FHIT: variants seen among roughly 807,000 people sequenced by gnomAD.
FHIT encodes the protein bis(5'-adenosyl)-triphosphatase.
In FHIT, 19 loss-of-function variants were observed where a neutral mutation model predicts 17.9. The observed-to-expected ratio is 1.06, with a 90% CI of 0.74 to 1.56. FHIT has a LOEUF of 1.56. FHIT is among the 40% of genes most tolerant of loss of function. The pLI is 0.00. For synonymous variants in FHIT, 81 were observed against 69.7 expected (o/e 1.16, Z -0.81); for missense variants, 248 against 189.2 (o/e 1.31, Z -1.82).
intron 3 of FHIT, among the ~76,000 whole-genome samples, chr3:60,894,620 T>C (rs1216176594): frequency 6.6e-6 from 1 of 152,052 alleles, no homozygotes; most frequent in Non-Finnish European, 1.5e-5. Context: ...CTCCTTGATA[T>C]TCAAAGCTCT....
chr3:60,853,471 T>A (rs1247041141), intron 3 of FHIT, among the ~76,000 whole-genome samples: 1 of 152,094 alleles, frequency 6.6e-6, no homozygotes, highest in Non-Finnish European at 1.5e-5. Context: ...TCCTAGCAGA[T>A]GACCTTCACG....
At position 60,672,946 on chromosome 3, in the gene FHIT, T is replaced by C. The variant is rs2040544177; in HGVS notation, c.-17-135967A>G. Among the ~76,000 whole-genome samples, 7 of 144,338 alleles carry C rather than the reference T, an allele frequency of 4.8e-5. No individual in the cohort carries two copies. The Admixed American group carries it at 4.9e-4, about 10-fold the overall frequency. 94.7% of individuals were successfully genotyped at this position (144,338 alleles called of 152,430 possible). On this transcript the variant is annotated intron_variant, in intron 4 of 9. Transcript: ENST00000492590. ...GGACTAACAATATGCATCCTTATCT[T>C]ATCAAAATCTACCTAAAATTAATAT...
intron 2 of FHIT, among the ~76,000 whole-genome samples, chr3:61,197,675 GT>G (rs999139878): frequency 7.9e-5 from 12 of 152,154 alleles, no homozygotes; most frequent in Non-Finnish European, 1.5e-4. Flanking sequence ...TAAGAACAGT[GT>G]TCAAATGAGA....
intron 2 of FHIT, among the ~76,000 whole-genome samples, chr3:61,142,583 G>T (rs1486332031): frequency 6.6e-6 from 1 of 152,024 alleles, no homozygotes; most frequent in Non-Finnish European, 1.5e-5. Context: ...GCTACCTCAT[G>T]GCATAACAAT....
intron 5 of FHIT, among the ~76,000 whole-genome samples, chr3:60,352,831 A>G (rs1699474903): frequency 6.6e-6 from 1 of 152,100 alleles, no homozygotes. Context: ...ATTTCTTATC[A>G]GAGTCCTACT....
chr3:60,547,768 T>C (rs1047090850), intron 4 of FHIT, among the ~76,000 whole-genome samples: 2 of 152,066 alleles, frequency 1.3e-5, no homozygotes, highest in African/African-American at 4.8e-5. Context: ...TCTACTATCC[T>C]TTTGTGTGTG....
chr3:60,401,539 C>T (rs564515287), intron 5 of FHIT, among the ~76,000 whole-genome samples: 1 of 152,156 alleles, frequency 6.6e-6, no homozygotes, highest in Non-Finnish European at 1.5e-5. Flanking sequence ...AAGGTCAGCT[C>T]TTATGTGGCT....
chr3:60,073,097 G>A (rs981477098), intron 5 of FHIT, among the ~76,000 whole-genome samples: 8 of 152,282 alleles, frequency 5.3e-5, no homozygotes, highest in South Asian at 2.1e-4. Context: ...GCAGGTGTGA[G>A]TAATTAGAAA....
At chr3:59,874,189 C>T (rs572559662) in intron 8 of FHIT, among the ~76,000 whole-genome samples, 2 of 152,286 alleles carry the variant, frequency 1.3e-5, no homozygotes, top group African/African-American at 4.8e-5. Context: ...CATTCTAACC[C>T]CAAATGCCTC....
Position 60,290,074 on chromosome 3 carries a change from A to C in FHIT, c.103+246786T>G, listed in dbSNP as rs181161903. On this transcript the variant is annotated intron_variant, in intron 5 of 9. Coordinates refer to ENST00000492590, the MANE Select transcript of FHIT (RefSeq NM_002012.4). ...TTATCACAATACTGTTTCTGATGCT[A>C]TGCGTGGCTTTCCAAAGCCAACTTT... is the stretch of plus-strand genomic sequence containing the variant. Among the ~76,000 whole-genome samples, 3 of 152,326 alleles carry C rather than the reference A, an allele frequency of 2.0e-5. No homozygotes were observed. The East Asian group carries it at 5.8e-4, about 29-fold the overall frequency.
chr3:60,023,428 G>C (rs1700623256), intron 5 of FHIT, among the ~76,000 whole-genome samples: 1 of 152,170 alleles, frequency 6.6e-6, no homozygotes, highest in Non-Finnish European at 1.5e-5. Flanking sequence ...GAAACCTGGG[G>C]CCCAAACTCC....
chr3:61,123,362 G>A (rs527882822), intron 2 of FHIT, among the ~76,000 whole-genome samples: 10 of 152,176 alleles, frequency 6.6e-5, no homozygotes, highest in East Asian at 3.9e-4. Context: ...TGGCTGGGGC[G>A]CTAGGGTAAG....
intron 2 of FHIT, among the ~76,000 whole-genome samples, chr3:61,170,952 C>CA (rs1036016117): frequency 7.9e-5 from 12 of 152,084 alleles, no homozygotes; most frequent in African/African-American, 2.7e-4. Context: ...ATTATATACC[C>CA]AAAAAATACC....
At chr3:60,521,524 G>A (rs1354806505) in intron 5 of FHIT, among the ~76,000 whole-genome samples, 2 of 152,158 alleles carry the variant, frequency 1.3e-5, no homozygotes, top group Admixed American at 6.5e-5. Context: ...TGGGATTACA[G>A]GCATGAGCCA....
At chr3:60,221,963 C>G (rs1233651590) in intron 5 of FHIT, among the ~76,000 whole-genome samples, 1 of 151,992 alleles carries the variant, frequency 6.6e-6, no homozygotes, top group Non-Finnish European at 1.5e-5. Context: ...TGCACACACA[C>G]AGAAATTCGC....
At chr3:60,451,382 C>T (rs1045302997) in intron 5 of FHIT, among the ~76,000 whole-genome samples, 3 of 152,120 alleles carry the variant, frequency 2.0e-5, no homozygotes, top group Admixed American at 6.5e-5. Context: ...TTCTTCATTT[C>T]TGAACATCCC....
At chr3:60,363,991 C>T (rs1318013771) in intron 5 of FHIT, among the ~76,000 whole-genome samples, 1 of 152,152 alleles carries the variant, frequency 6.6e-6, no homozygotes, top group Non-Finnish European at 1.5e-5. Context: ...AAGGGGTGGT[C>T]ACAGCTCTGC....
chr3:60,478,055 T>C (rs1485666326), intron 5 of FHIT, among the ~76,000 whole-genome samples: 2 of 152,102 alleles, frequency 1.3e-5, no homozygotes, highest in African/African-American at 4.8e-5. Flanking sequence ...CTAACAAAAA[T>C]AATAACAACA....
At chr3:60,778,252 C>A (rs1258004970) in intron 4 of FHIT, among the ~76,000 whole-genome samples, 1 of 152,114 alleles carries the variant, frequency 6.6e-6, no homozygotes, top group African/African-American at 2.4e-5. Context: ...CTTTGTCAGT[C>A]GTGTTTCTAA....
Sources: allele counts gnomAD v4.1 joint callset (sites outside exome capture counted in the v4.1 genomes callset), GRCh38; gene constraint gnomAD v4.1.1; transcripts MANE v1.5; gene names NCBI Gene and HGNC (gene_info 2026-07-23, HGNC 2026-07-21).